HDX: variants seen among roughly 807,000 people sequenced by gnomAD.
HDX encodes the protein chromosome X open reading frame 43.
HDX carries 19 observed loss-of-function variants against 45.2 expected under a neutral mutation model. That is an observed-to-expected ratio of 0.42 (90% CI 0.29 to 0.62). The LOEUF is 0.62. Ranked by LOEUF, HDX falls within the 20% of genes least tolerant of loss-of-function variation. HDX has a pLI of 0.20. For synonymous variants in HDX, 188 were observed against 172.8 expected, an observed-to-expected ratio of 1.09 and a Z score of -0.69; for missense variants, 532 against 493.9, an observed-to-expected ratio of 1.08 and a Z score of -0.73.
intron 5 of HDX, among the ~76,000 whole-genome samples, chrX:84,411,811 G>A (rs1338722259): frequency 9.0e-6 from 1 of 111,049 alleles, no homozygotes. Context: ...TCTCTTCCTA[G>A]GTCTTTAATA....
At chrX:84,444,341 T>C (rs993244947) in intron 4 of HDX, among the ~76,000 whole-genome samples, 5 of 111,252 alleles carry the variant, frequency 4.5e-5, no homozygotes, top group Non-Finnish European at 9.5e-5. Context: ...TGATCAGAAA[T>C]GTATTTTTAT....
chrX:84,479,744 A>C (rs1391296739), intron 2 of HDX, among the ~76,000 whole-genome samples: 1 of 112,005 alleles, frequency 8.9e-6, no homozygotes, highest in Admixed American at 9.5e-5. Context: ...ATTTTTTAAA[A>C]ATTAGCCATT....
At chrX:84,494,044 A>T in intron 1 of HDX, among the ~76,000 whole-genome samples, 1 of 111,553 alleles carries the variant, frequency 9.0e-6, no homozygotes. Context: ...AAAAGTAAAA[A>T]GATCAATTTC....
In HDX at chrX:84,468,279, T is replaced by A. The variant is rs750662493; in HGVS notation, c.1251+193A>T. The stretch of plus-strand genomic sequence containing the variant: ...ATGTTATAAAAATGACTATATTCCA[T>A]GAAAAAAAGACCTCATCATTTAAAA... On this transcript the variant is annotated intron_variant, in intron 4 of 10. Coordinates refer to ENST00000373177, the MANE Select transcript of HDX (RefSeq NM_001177479.2). 2.7e-5 allele frequency among the ~76,000 whole-genome samples: 3 copies of A among 111,392 alleles called. No individual in the cohort carries two copies. In the Admixed American group the frequency reaches 2.9e-4, roughly 11 times the overall value.
chrX:84,354,254 C>T (rs1239856197), intron 6 of HDX, among the ~76,000 whole-genome samples: 3 of 111,771 alleles, frequency 2.7e-5, no homozygotes, highest in Non-Finnish European at 3.8e-5. Flanking sequence ...ACACCACAAA[C>T]ATAATGGCTA....
chrX:84,475,213 A>C (rs374682301), intron 3 of HDX, 38 bp downstream of exon 3: 49 of 1,123,571 alleles, frequency 4.4e-5, no homozygotes, highest in Non-Finnish European at 5.3e-5. Flanking sequence ...ACTTGTAATA[A>C]GAAGCTTTAA....
chrX:84,429,099 G>A (rs188969525), intron 5 of HDX, among the ~76,000 whole-genome samples: 161 of 110,512 alleles, frequency 1.5e-3, no homozygotes, highest in African/African-American at 5.1e-3. Flanking sequence ...ATTGTAATAA[G>A]TTTTGAAAAC....
At chrX:84,326,901 A>C (rs1410156015) in intron 9 of HDX, among the ~76,000 whole-genome samples, 3 of 92,059 alleles carry the variant, frequency 3.3e-5, no homozygotes, top group African/African-American at 1.2e-4. Flanking sequence ...GGGCAACAAG[A>C]GTGAGACTGT....
At chrX:84,352,764 T>C (rs573192473) in intron 6 of HDX, among the ~76,000 whole-genome samples, 10 of 112,306 alleles carry the variant, frequency 8.9e-5, no homozygotes, top group African/African-American at 2.9e-4. Flanking sequence ...AGAATGGCAA[T>C]TTCTTACTAA....
At chrX:84,423,483 CAAAAAA>C (rs538893311) in intron 5 of HDX, among the ~76,000 whole-genome samples, 1 of 59,502 alleles carries the variant, frequency 1.7e-5, no homozygotes, top group African/African-American at 6.4e-5. Context: ...ACAGAAACAT[CAAAAAA>C]AAAAAAAAAA....
intron 2 of HDX, among the ~76,000 whole-genome samples, chrX:84,486,212 A>G (rs1417389397): frequency 9.0e-6 from 1 of 111,476 alleles, no homozygotes; most frequent in Non-Finnish European, 1.9e-5. Flanking sequence ...ATTACAATGT[A>G]CATATCTATT....
At chrX:84,384,450 A>AT (rs1302319124) in intron 5 of HDX, among the ~76,000 whole-genome samples, 9 of 107,101 alleles carry the variant, frequency 8.4e-5, no homozygotes, top group African/African-American at 1.4e-4. Flanking sequence ...GTTTGTGAAT[A>AT]TTTTTTTCCC....
intron 5 of HDX, among the ~76,000 whole-genome samples, chrX:84,437,717 A>G (rs2039669313): frequency 9.0e-6 from 1 of 111,091 alleles, no homozygotes; most frequent in Non-Finnish European, 1.9e-5. Flanking sequence ...TGGAATCTCC[A>G]TCCTTCAGGA....
chrX:84,361,497 G>T lies in HDX; in HGVS notation c.1421C>A (p.Thr474Asn). 3.3e-6 allele frequency: 4 copies of T among 1,207,751 alleles called. No homozygotes were observed. The highest frequency in any genetic ancestry group is 4.5e-6 in the Non-Finnish European group (4 of 892,748). ...VCREKIEAVA[T>N]ELNVDCEIVR... ...TATTTCACAGTCAACATTTAATTCA[G>T]TTGCCACAGCTTCAATTTTCTCTCT... Residue 474 changes from threonine to asparagine, a missense_variant, in exon 6 of 11, where the codon ACT becomes AAT. By Grantham distance (65) the Thr-to-Asn change is moderately conservative. Around this residue, in one of 3 missense-constraint regions of HDX, gnomAD observed 376 missense variants for 343.7 expected, o/e 1.09. Transcript: ENST00000373177.
At chrX:84,406,102 C>T (rs57819529) in intron 5 of HDX, among the ~76,000 whole-genome samples, 11,720 of 110,013 alleles carry the variant, frequency 0.11, 604 homozygotes, top group South Asian at 0.28. Flanking sequence ...ACGTACTGTC[C>T]AAATAACCCT....
chrX:84,386,376 T>C (rs2038321833), intron 5 of HDX, among the ~76,000 whole-genome samples: 1 of 111,131 alleles, frequency 9.0e-6, no homozygotes. Flanking sequence ...CAGGCTGAGT[T>C]ACGGAGGAAA....
At position 84,469,169 on chromosome X, in the gene HDX, G is replaced by T. The variant is rs774918920; in HGVS notation, c.554C>A (p.Ala185Asp). 1 of 1,209,925 alleles carries T rather than the reference G, an allele frequency of 8.3e-7. No individual in the cohort carries two copies. Among genetic ancestry groups the T allele is most frequent in the Non-Finnish European group, 1.1e-6 (1 of 894,425 alleles). ...TGCGTGATTGAATACTGAGTTTCCA[G>T]CATTTAGCACACTTGTCTGTCTTGA... The part of the protein sequence containing the change: ...ILSRQTSVLN[A>D]GNSVFNHAKK... The change falls in exon 4 of 11, where the codon GCT becomes GAT. Residue 185 changes from alanine (A) to aspartate (D), a missense_variant. This residue lies in a region of HDX where 376 missense variants were observed against 343.7 expected (regional missense o/e 1.09). Transcript: ENST00000373177.
chrX:84,330,115 A>C (rs773140261), intron 9 of HDX, among the ~76,000 whole-genome samples: 6 of 111,565 alleles, frequency 5.4e-5, no homozygotes, highest in South Asian at 3.7e-4. Flanking sequence ...CGTTTGATTT[A>C]ATTAATCCAC....
intron 5 of HDX, among the ~76,000 whole-genome samples, chrX:84,373,937 G>C (rs764352910): frequency 1.2e-3 from 117 of 101,248 alleles, no homozygotes; most frequent in African/African-American, 4.3e-3. Context: ...GGAAATAAAG[G>C]GTATTCAATT....
Sources: gnomAD v4.1 joint callset for allele counts (sites outside exome capture counted in the v4.1 genomes callset) on GRCh38, gnomAD v4.1.1 for gene constraint, gnomAD v4.1.1 regional missense constraint, MANE v1.5 for transcripts, NCBI Gene and HGNC (gene_info 2026-07-23, HGNC 2026-07-21) for gene names.